The following CEP162 variants were observed in gnomAD, a reference collection of about 807,000 sequenced individuals.
CEP162 encodes the protein centrosomal protein of 162 kDa.
A neutral mutation model predicts 169.2 loss-of-function variants in CEP162; 141 were observed. The observed-to-expected ratio is 0.83, with a 90% CI of 0.73 to 0.96. The LOEUF is 0.96. CEP162 is among the 40% of genes least tolerant of loss of function. The probability of loss-of-function intolerance (pLI) is 0.00; values close to 1 mark genes in which losing one functional copy is unlikely to be tolerated. For missense variants in CEP162, 1,600 were observed against 1,587.2 expected, an observed-to-expected ratio of 1.01 and a Z score of -0.14; for synonymous variants, 540 against 526.4, an observed-to-expected ratio of 1.03 and a Z score of -0.35.
At position 84,125,269 on chromosome 6, in the gene CEP162, T is replaced by TAA; in HGVS notation, c.4012_4013insTT (p.Gln1338LeufsTer7). ...AGTTTCTACTACTTGGTGTGTTTGC[T>TAA]GTATTATCTGCAAATACAAAAATTC... On this transcript the variant is annotated frameshift_variant, in exon 27 of 27. Coordinates refer to ENST00000403245, the MANE Select transcript of CEP162 (RefSeq NM_014895.4). LOFTEE classifies it high-confidence loss of function. 1 of 1,612,642 alleles carries TAA rather than the reference T, an allele frequency of 6.2e-7. No homozygotes were observed. Among genetic ancestry groups the TAA allele is most frequent in the African/African-American group, 1.3e-5 (1 of 74,998 alleles).
chr6:84,201,940 C>G (rs2099544693), intron 7 of CEP162, among the ~76,000 whole-genome samples, 173 bp from the exon 8 acceptor site: 1 of 152,142 alleles, frequency 6.6e-6, no homozygotes, highest in South Asian at 2.1e-4. Flanking sequence ...ATCAATAATT[C>G]TTCAAGACTA....
At chr6:84,201,612 G>C in intron 8 of CEP162, 125 bp downstream of exon 8, 1 of 583,980 alleles carries the variant, frequency 1.7e-6, no homozygotes, top group Non-Finnish European at 3.1e-6. Context: ...GAAAAGCTAG[G>C]AACTTCAATG....
intron 13 of CEP162, among the ~76,000 whole-genome samples, chr6:84,177,593 T>A (rs1340478466): frequency 6.6e-6 from 1 of 152,188 alleles, no homozygotes; most frequent in South Asian, 2.1e-4. Context: ...TGGACTGCCA[T>A]GGTGCGATCT....
chr6:84,148,937 T>C (rs1227734475), intron 24 of CEP162, among the ~76,000 whole-genome samples: 1 of 152,174 alleles, frequency 6.6e-6, no homozygotes, highest in Non-Finnish European at 1.5e-5. Context: ...ACAGGCCACA[T>C]GGTAATGCTC....
At chr6:84,160,125 T>C (rs2099525173) in intron 21 of CEP162, among the ~76,000 whole-genome samples, 1 of 152,164 alleles carries the variant, frequency 6.6e-6, no homozygotes, top group Admixed American at 6.6e-5. Flanking sequence ...TACAGAATCA[T>C]GTTCCCTTAT....
At chr6:84,196,468 C>G (rs995350753) in intron 9 of CEP162, among the ~76,000 whole-genome samples, 1 of 152,128 alleles carries the variant, frequency 6.6e-6, no homozygotes, top group Admixed American at 6.5e-5. Flanking sequence ...TTTCCACCAA[C>G]TGACAAATTC....
intron 21 of CEP162, among the ~76,000 whole-genome samples, chr6:84,157,731 C>T (rs913347007): frequency 2.0e-5 from 3 of 152,062 alleles, no homozygotes; most frequent in Admixed American, 2.0e-4. Context: ...GAGTACAAAG[C>T]TCTCTCCTCT....
chr6:84,145,452 T>G (rs1354839259), intron 25 of CEP162, among the ~76,000 whole-genome samples: 1 of 152,154 alleles, frequency 6.6e-6, no homozygotes, highest in Non-Finnish European at 1.5e-5. Context: ...TTTTTGCCAT[T>G]GGTCTTATTG....
rs147039443 is a variant in CEP162 at position 84,207,461 on chromosome 6, G to A, written c.572-3365C>T. On this transcript the variant is annotated intron_variant, in intron 6 of 26. Coordinates refer to ENST00000403245, the MANE Select transcript of CEP162 (RefSeq NM_014895.4). ...AAACCATCATTCTGAGCAAACTGTC[G>A]CAAGGACAGAAAACGAAACACCGCA... 6.2e-3 allele frequency among the ~76,000 whole-genome samples: 944 copies of A among 151,062 alleles called. 4 individuals carry two copies. Among genetic ancestry groups the A allele is most frequent in the African/African-American group, 0.022 (910 of 41,258 alleles).
chr6:84,154,747 T>C (rs1351297878), intron 22 of CEP162, among the ~76,000 whole-genome samples: 1 of 152,188 alleles, frequency 6.6e-6, no homozygotes, highest in Admixed American at 6.6e-5. Flanking sequence ...CTGTTATTTG[T>C]CTACAAAATT....
chr6:84,171,664 T>G lies in CEP162; in HGVS notation c.2221A>C (p.Asn741His), dbSNP rs201707769. ...VKDLQEQNKK[N>H]EERMFKENQS... ...TTTTCCTTAAACATTCGCTCCTCATTTTTCTTGTTTTGTTCTTGGAGATCT... is the reference window on the plus strand; with the variant it reads ...TTTTCCTTAAACATTCGCTCCTCATGTTTCTTGTTTTGTTCTTGGAGATCT... Residue 741 changes from asparagine (N) to histidine (H), a missense_variant, in exon 17 of 27, where the codon AAT becomes CAT. Coordinates refer to ENST00000403245, the MANE Select transcript of CEP162 (RefSeq NM_014895.4). 6.4e-7 allele frequency: 1 copy of G among 1,554,406 alleles called. No homozygotes were observed. Among genetic ancestry groups the G allele is most frequent in the Non-Finnish European group, 8.7e-7 (1 of 1,151,828 alleles).
chr6:84,218,431 T>C (rs1424529988), intron 3 of CEP162, among the ~76,000 whole-genome samples: 2 of 152,238 alleles, frequency 1.3e-5, no homozygotes, highest in Non-Finnish European at 2.9e-5. Context: ...AAAAAACTGG[T>C]AAAGCTATAC....
At chr6:84,180,145 C>G (rs557083603) in intron 13 of CEP162, among the ~76,000 whole-genome samples, 1 of 152,258 alleles carries the variant, frequency 6.6e-6, no homozygotes, top group Non-Finnish European at 1.5e-5. Context: ...GCTTATCCAC[C>G]ATGATCAGGT....
chr6:84,226,429 A>G lies in CEP162; in HGVS notation c.-36T>C, dbSNP rs1315010854. The G allele has an allele frequency of 3.5e-6, 5 of 1,416,864 alleles. No homozygotes were observed. The highest frequency in any genetic ancestry group is 3.9e-6 in the Non-Finnish European group (4 of 1,023,112). 87.8% of individuals were successfully genotyped at this position (1,416,864 alleles called of 1,614,324 possible). ...TTTGACCTCCCAAAGTAAACATTCTAAAGTACCTCAAACATTGGAAACACT... is the reference window on the plus strand; with the variant it reads ...TTTGACCTCCCAAAGTAAACATTCTGAAGTACCTCAAACATTGGAAACACT... On this transcript the variant is annotated 5_prime_UTR_variant, in exon 2 of 27. The change abolishes the stop of an existing upstream ORF in the 5' untranslated region. Transcript: ENST00000403245.
At chr6:84,148,018 A>C (rs2099519686) in intron 24 of CEP162, among the ~76,000 whole-genome samples, 2 of 152,158 alleles carry the variant, frequency 1.3e-5, no homozygotes, top group African/African-American at 4.8e-5. Flanking sequence ...GCACTATGGC[A>C]TCATGATACT....
At chr6:84,153,379 ATATGT>A (rs1340215644) in intron 22 of CEP162, among the ~76,000 whole-genome samples, 200 bp from the exon 23 acceptor site, 4 of 152,164 alleles carry the variant, frequency 2.6e-5, no homozygotes, top group African/African-American at 4.8e-5. Context: ...TATTCTTGAT[ATATGT>A]TATGTTATTT....
At chr6:84,220,167 G>A (rs925108855) in intron 3 of CEP162, among the ~76,000 whole-genome samples, 1 of 152,124 alleles carries the variant, frequency 6.6e-6, no homozygotes. Flanking sequence ...ATTTTCATGG[G>A]GAGGGGGGGA....
chr6:84,227,580 C>A lies in CEP162; in HGVS notation c.-60G>T, dbSNP rs1002479468. On this transcript the variant is annotated splice_region_variant and 5_prime_UTR_variant, in exon 1 of 27. Transcript: ENST00000403245. Reference sequence around the variant, plus strand: ...CCAGCGTTCACACCTTACCACCTACCTCTGCCTCTGAATTCCGCGCTTTCC... The same window carrying A: ...CCAGCGTTCACACCTTACCACCTACATCTGCCTCTGAATTCCGCGCTTTCC... 1 of 152,290 alleles carries A rather than the reference C, an allele frequency of 6.6e-6. No individual in the cohort carries two copies. The highest frequency in any genetic ancestry group is 6.5e-5 in the Admixed American group (1 of 15,280). The allele number at this position is 152,290 out of a possible 1,614,324, so 9.4% of individuals were successfully genotyped here.
At chr6:84,186,192 A>C (rs1338932072) in intron 12 of CEP162, 140 bp downstream of exon 12, 1 of 524,932 alleles carries the variant, frequency 1.9e-6, no homozygotes. Context: ...CATCACTCAC[A>C]AATATCCAAG....
Sources: allele counts gnomAD v4.1 joint callset (sites outside exome capture counted in the v4.1 genomes callset), GRCh38; gene constraint gnomAD v4.1.1; transcripts MANE v1.5; gene names NCBI Gene and HGNC (gene_info 2026-07-23, HGNC 2026-07-21).